DCC: variants seen among roughly 807,000 people sequenced by gnomAD.
DCC encodes the protein netrin receptor DCC.
A neutral mutation model predicts 172.5 loss-of-function variants in DCC; 58 were observed. The ratio of observed to expected loss-of-function variants is 0.34; its 90% CI spans 0.27 to 0.42. The LOEUF (loss-of-function observed/expected upper bound fraction) is 0.42, where lower values mean the gene tolerates loss of function less well. DCC is among the 10% of genes least tolerant of loss of function. The probability of loss-of-function intolerance (pLI) is 1.00; values close to 1 mark genes in which losing one functional copy is unlikely to be tolerated. For synonymous variants in DCC, 709 were observed against 644.5 expected, an observed-to-expected ratio of 1.10 and a Z score of -1.52; for missense variants, 1,740 against 1,791.0, an observed-to-expected ratio of 0.97 and a Z score of 0.51.
chr18:52,384,651 T>C (rs999789290), intron 1 of DCC, among the ~76,000 whole-genome samples: 11 of 152,156 alleles, frequency 7.2e-5, no homozygotes. Flanking sequence ...CATCAGCTCT[T>C]GTTTTTAAAG....
rs553792868 is a variant in DCC, at chr18:53,069,983, C to CTT, written c.1261+3830_1261+3831dup. On this transcript the variant is annotated intron_variant, in intron 7 of 28. Transcript: ENST00000442544. ...TGTTTTTGAATACCTGAAGATAAAG[C>CTT]TTTTTTTTTTTTTTGAGACAGAATC... is the stretch of plus-strand genomic sequence containing the variant. Among the ~76,000 whole-genome samples the CTT allele has an allele frequency of 6.8e-4, 95 of 139,100 alleles. 1 individual carries two copies. Among genetic ancestry groups the CTT allele is most frequent in the Admixed American group, 1.4e-3 (20 of 13,828 alleles). 91.3% of individuals were successfully genotyped at this position (139,100 alleles called of 152,430 possible).
chr18:53,213,490 G>A (rs62100769), intron 11 of DCC, among the ~76,000 whole-genome samples: 55,673 of 151,162 alleles, frequency 0.37, 10,997 homozygotes, highest in Non-Finnish European at 0.44. Context: ...TCTACTAAAA[G>A]TGCAAAAGTT....
chr18:52,643,099 A>C (rs1447719918), intron 1 of DCC, among the ~76,000 whole-genome samples: 1 of 152,246 alleles, frequency 6.6e-6, no homozygotes, highest in East Asian at 1.9e-4. Flanking sequence ...CTTTAATGCC[A>C]AGAGAAAAGA....
At chr18:52,772,146 A>C (rs1220330143) in intron 2 of DCC, among the ~76,000 whole-genome samples, 1 of 152,118 alleles carries the variant, frequency 6.6e-6, no homozygotes, top group East Asian at 1.9e-4. Context: ...GATTCTCTTT[A>C]TTAGAAGTTA....
intron 2 of DCC, among the ~76,000 whole-genome samples, chr18:52,882,969 T>C (rs2039509179): frequency 6.6e-6 from 1 of 152,154 alleles, no homozygotes; most frequent in South Asian, 2.1e-4. Flanking sequence ...AGTTGATGTA[T>C]CCTCTGCTGA....
chr18:53,343,836 A>T lies in DCC; in HGVS notation c.2359+3929A>T, dbSNP rs567453248. ...ATAATAGATTTAATTTTTTATACAG[A>T]TATAGGTCTGATTTGCAAACTTTCT... On this transcript the variant is annotated intron_variant, in intron 15 of 28. Coordinates refer to ENST00000442544, the MANE Select transcript of DCC (RefSeq NM_005215.4). 1.6e-4 allele frequency among the ~76,000 whole-genome samples: 24 copies of T among 152,066 alleles called. No homozygotes were observed. The South Asian group carries it at 5.0e-3, about 32-fold the overall frequency.
At chr18:53,150,787 A>C (rs2043985708) in intron 7 of DCC, among the ~76,000 whole-genome samples, 1 of 152,210 alleles carries the variant, frequency 6.6e-6, no homozygotes, top group African/African-American at 2.4e-5. Context: ...GAATTGAGCA[A>C]GTTCAGCATG....
intron 1 of DCC, among the ~76,000 whole-genome samples, chr18:52,661,970 A>G (rs2035368666): frequency 6.6e-6 from 1 of 152,376 alleles, no homozygotes; most frequent in East Asian, 1.9e-4. Context: ...TAGAAGGAAT[A>G]AAAAACACAG....
intron 1 of DCC, among the ~76,000 whole-genome samples, chr18:52,739,814 C>T (rs2036790427): frequency 6.6e-6 from 1 of 152,124 alleles, no homozygotes; most frequent in Admixed American, 6.5e-5. Flanking sequence ...TTGAGAATAC[C>T]TTCTTTTTTC....
chr18:52,613,490 T>C (rs1466003357), intron 1 of DCC, among the ~76,000 whole-genome samples: 3 of 152,174 alleles, frequency 2.0e-5, no homozygotes, highest in Admixed American at 6.5e-5. Flanking sequence ...CTCCTGACCT[T>C]GTGATCCGCC....
chr18:52,770,779 G>A (rs1448590887), intron 2 of DCC, among the ~76,000 whole-genome samples: 3 of 152,178 alleles, frequency 2.0e-5, no homozygotes, highest in Non-Finnish European at 2.9e-5. Context: ...CAAGGACTTG[G>A]TGAGTCATGG....
chr18:52,739,653 T>C (rs2145110735), intron 1 of DCC, among the ~76,000 whole-genome samples: 1 of 152,292 alleles, frequency 6.6e-6, no homozygotes, highest in Middle Eastern at 3.4e-3. Context: ...GATGAGAATT[T>C]ATGTTTACTC....
At chr18:53,243,152 G>C (rs912566234) in intron 12 of DCC, among the ~76,000 whole-genome samples, 3 of 152,142 alleles carry the variant, frequency 2.0e-5, no homozygotes, top group African/African-American at 7.2e-5. Context: ...TGGCATAGAT[G>C]CTGGCAAGGA....
In DCC at chr18:53,434,224, G is replaced by A. The variant is rs1050356436; in HGVS notation, c.3164-920G>A. ...TCTATGTCATCCACTGATTGGAACTGCTTTCAGAAATAACTGTTTTAAGCA... is the reference window on the plus strand; with the variant it reads ...TCTATGTCATCCACTGATTGGAACTACTTTCAGAAATAACTGTTTTAAGCA... On this transcript the variant is annotated intron_variant, in intron 21 of 28. Coordinates refer to ENST00000442544, the MANE Select transcript of DCC (RefSeq NM_005215.4). Among the ~76,000 whole-genome samples, 14 of 152,210 alleles carry A rather than the reference G, an allele frequency of 9.2e-5. No individual in the cohort carries two copies. The East Asian group carries it at 1.9e-3, about 21-fold the overall frequency.
intron 7 of DCC, among the ~76,000 whole-genome samples, chr18:53,145,855 A>G (rs2043904582): frequency 6.6e-6 from 1 of 152,244 alleles, no homozygotes; most frequent in Admixed American, 6.5e-5. Context: ...TAGTGATTTT[A>G]GGGACTGATG....
intron 19 of DCC, among the ~76,000 whole-genome samples, chr18:53,408,626 A>G (rs962758529): frequency 3.3e-5 from 5 of 152,188 alleles, no homozygotes; most frequent in Non-Finnish European, 5.9e-5. Flanking sequence ...AGGAATACAC[A>G]AGGGCATGAT....
chr18:53,472,598 A>G (rs2045711302), intron 25 of DCC, among the ~76,000 whole-genome samples: 1 of 152,150 alleles, frequency 6.6e-6, no homozygotes, highest in Non-Finnish European at 1.5e-5. Flanking sequence ...ATAAATTCCC[A>G]TATGCCATTG....
At chr18:52,708,358 C>T (rs1219499160) in intron 1 of DCC, among the ~76,000 whole-genome samples, 2 of 151,074 alleles carry the variant, frequency 1.3e-5, no homozygotes, top group Admixed American at 6.6e-5. Flanking sequence ...AGGAGAATGG[C>T]GTGAACCCAG....
chr18:52,359,849 G>A (rs1984542524), intron 1 of DCC, among the ~76,000 whole-genome samples: 1 of 152,274 alleles, frequency 6.6e-6, no homozygotes, highest in South Asian at 2.1e-4. Context: ...TAAACAGTGA[G>A]AGAGGAATTA....
Sources: allele counts gnomAD v4.1 joint callset (sites outside exome capture counted in the v4.1 genomes callset), GRCh38; gene constraint gnomAD v4.1.1; transcripts MANE v1.5; gene names NCBI Gene and HGNC (gene_info 2026-07-23, HGNC 2026-07-21).